CACNA1B: variants seen among roughly 807,000 people sequenced by gnomAD.
CACNA1B encodes voltage-dependent N-type calcium channel subunit alpha-1B.
In CACNA1B, 70 loss-of-function variants were observed where a neutral mutation model predicts 247.2. That is an observed-to-expected ratio of 0.28 (90% confidence interval 0.23 to 0.35). The LOEUF is 0.35. CACNA1B is among the 10% of genes least tolerant of loss of function. The pLI is 1.00. For synonymous variants in CACNA1B, 1,231 were observed against 1,294.4 expected, an observed-to-expected ratio of 0.95 and a Z score of 1.05; for missense variants, 2,367 against 3,197.4, an observed-to-expected ratio of 0.74 and a Z score of 6.26.
rs548364220 is a variant in CACNA1B, at chr9:138,029,180, C to T, written c.3286+4008C>T. On this transcript the variant is annotated intron_variant, in intron 20 of 46. Transcript: ENST00000371372. ...TTCCAGAAGCATGGGCATTATAAAA[C>T]TTGGCAGTGCTCTATTGGGAAATAC... Among the ~76,000 whole-genome samples the T allele has an allele frequency of 7.9e-5, 12 of 152,264 alleles. 1 individual carries two copies. The South Asian group carries it at 2.5e-3, about 32-fold the overall frequency.
intron 20 of CACNA1B, among the ~76,000 whole-genome samples, chr9:138,025,879 G>A (rs1159993116): frequency 6.6e-6 from 1 of 152,196 alleles, no homozygotes; most frequent in Non-Finnish European, 1.5e-5. Flanking sequence ...TCAAGGAGGA[G>A]CCCTCCTTTC....
chr9:138,034,823 A>G (rs1959024393), intron 20 of CACNA1B, among the ~76,000 whole-genome samples: 1 of 152,066 alleles, frequency 6.6e-6, no homozygotes, highest in South Asian at 2.1e-4. Flanking sequence ...TACTTTCCCC[A>G]CTTTCTGTTA....
chr9:137,916,086 G>A (rs1321337834), intron 5 of CACNA1B, among the ~76,000 whole-genome samples: 1 of 151,046 alleles, frequency 6.6e-6, no homozygotes, highest in Admixed American at 6.6e-5. Flanking sequence ...AGGCTGGGGG[G>A]CAGTGGTGCA....
rs139141052 is a variant in CACNA1B at position 137,881,531 on chromosome 9, G to T, written c.391-1213G>T. Among the ~76,000 whole-genome samples, 2 of 152,230 alleles carry T rather than the reference G, an allele frequency of 1.3e-5. No individual in the cohort carries two copies. Among genetic ancestry groups the T allele is most frequent in the East Asian group, 3.9e-4 (2 of 5,172 alleles). On this transcript the variant is annotated intron_variant, in intron 2 of 46. Coordinates refer to ENST00000371372, the MANE Select transcript of CACNA1B (RefSeq NM_000718.4). The surrounding 1 kb of genome is among the most constrained non-coding windows in gnomAD (Gnocchi z 4.3). ...TCCTGAAGACGAACCCTCAGGGGAG[G>T]CCCTTGAAGCTGGTCTCCTCTCCCC...
At chr9:138,093,366 C>T (rs139156409) in intron 36 of CACNA1B, among the ~76,000 whole-genome samples, 193 of 131,288 alleles carry the variant, frequency 1.5e-3, no homozygotes, top group Middle Eastern at 5.2e-3. Context: ...TGCAGTGAGC[C>T]GAGATCATGC....
At position 138,121,261 on chromosome 9, in the gene CACNA1B, A is replaced by G. The variant is rs978922466; in HGVS notation, c.6490-208A>G. Among the ~76,000 whole-genome samples the G allele has an allele frequency of 1.1e-4, 16 of 150,222 alleles. No individual in the cohort carries two copies. Among genetic ancestry groups the G allele is most frequent in the Non-Finnish European group, 2.1e-4 (14 of 67,560 alleles). On this transcript the variant is annotated intron_variant, in intron 46 of 46. Transcript: ENST00000371372. This position sits in a 1 kb window ranked among gnomAD's most constrained non-coding sequence, Gnocchi z 6.8. The stretch of plus-strand genomic sequence containing the variant: ...CCCTTCCCATCACCTGCTCTCCCCA[A>G]CCCCATTCCTGGGCCTGACCCTGAC...
intron 3 of CACNA1B, among the ~76,000 whole-genome samples, chr9:137,895,861 T>A (rs977856265): frequency 6.6e-6 from 1 of 152,202 alleles, no homozygotes; most frequent in Non-Finnish European, 1.5e-5. Flanking sequence ...CTTCTAGTAC[T>A]GTGTTGAAGA....
intron 20 of CACNA1B, among the ~76,000 whole-genome samples, chr9:138,027,818 C>T (rs1958939536): frequency 6.6e-6 from 1 of 151,858 alleles, no homozygotes; most frequent in Non-Finnish European, 1.5e-5. Flanking sequence ...TTGTAATATG[C>T]CATTGGATTC....
intron 3 of CACNA1B, chr9:137,892,236 C>G: frequency 2.2e-6 from 1 of 456,796 alleles, no homozygotes; most frequent in South Asian, 1.5e-5. Flanking sequence ...CAGACATTTC[C>G]TTCTCAGTCC....
Position 138,052,249 on chromosome 9 carries a change from CGTGTGTGTGTGT to C in CACNA1B, c.3807+64_3807+75del. ...GTGTGTGTGTGCGTGTGTGTGTGTG[CGTGTGTGTGTGT>C]GTATGCATGCAGTGCATGAGTGTGT... On this transcript the variant is annotated intron_variant, in intron 25 of 46. Transcript: ENST00000371372. This position sits in a 1 kb window ranked among gnomAD's most constrained non-coding sequence, Gnocchi z 5.1. The C allele has an allele frequency of 1.3e-6, 1 of 779,168 alleles. No homozygotes were observed. The highest frequency in any genetic ancestry group is 2.2e-6 in the Non-Finnish European group (1 of 464,630). 48.3% of individuals were successfully genotyped at this position (779,168 alleles called of 1,614,324 possible).
chr9:137,997,365 A>G (rs1958512866), intron 15 of CACNA1B, among the ~76,000 whole-genome samples: 2 of 152,260 alleles, frequency 1.3e-5, no homozygotes, highest in Non-Finnish European at 1.5e-5. Flanking sequence ...TTGACAAGAA[A>G]GAAAACTGTC....
chr9:138,068,220 A>G (rs1959996341), intron 31 of CACNA1B, among the ~76,000 whole-genome samples: 1 of 152,176 alleles, frequency 6.6e-6, no homozygotes. Context: ...ATGATTAACA[A>G]GAAGGGAAGG....
Position 137,965,521 on chromosome 9 carries a change from G to A in CACNA1B, c.1334-5862G>A, listed in dbSNP as rs1342619890. Among the ~76,000 whole-genome samples the A allele has an allele frequency of 5.3e-5, 8 of 152,280 alleles. No homozygotes were observed. The East Asian group carries it at 1.5e-3, about 29-fold the overall frequency. Reference sequence around the variant, plus strand: ...CATAGTGAGATCCCACCTCTACAAAGAAATTAAAAACTTAGCTGAGCATGG... The same window carrying A: ...CATAGTGAGATCCCACCTCTACAAAAAAATTAAAAACTTAGCTGAGCATGG... On this transcript the variant is annotated intron_variant, in intron 10 of 46. Transcript: ENST00000371372.
rs774321588 is a variant in CACNA1B, at chr9:138,025,032, A to G, written c.3146A>G (p.Gln1049Arg). ...PMHTLPSTCL[Q>R]KVEEQPEDAD... ...CACACACTGCCCAGCACCTGTCTCC[A>G]GAAGGTGGAGGAACAGCCAGAGGAT... The change falls in exon 20 of 47, where the codon CAG (glutamine) becomes CGG (arginine). Residue 1049 changes from glutamine (Q) to arginine (R), a missense_variant. This residue lies in a region of CACNA1B where 631 missense variants were observed against 631.1 expected (regional missense o/e 1.00). Transcript: ENST00000371372. 1 of 1,607,550 alleles carries G rather than the reference A, an allele frequency of 6.2e-7. No individual in the cohort carries two copies. The highest frequency in any genetic ancestry group is 8.5e-7 in the Non-Finnish European group (1 of 1,176,984).
chr9:137,899,779 T>A lies in CACNA1B; in HGVS notation c.531-13401T>A, dbSNP rs1957211329. ...CCATGTAGAACCAGCCTGAGAGTAGTAAGCAGTCTCCCTGGACTGGGCCTG... is the reference window on the plus strand; with the variant it reads ...CCATGTAGAACCAGCCTGAGAGTAGAAAGCAGTCTCCCTGGACTGGGCCTG... On this transcript the variant is annotated intron_variant, in intron 3 of 46. Transcript: ENST00000371372. The surrounding 1 kb of genome is among the most constrained non-coding windows in gnomAD (Gnocchi z 5.0). Among the ~76,000 whole-genome samples, 1 of 152,138 alleles carries A rather than the reference T, an allele frequency of 6.6e-6. No homozygotes were observed. The highest frequency in any genetic ancestry group is 2.4e-5 in the African/African-American group (1 of 41,420).
intron 3 of CACNA1B, among the ~76,000 whole-genome samples, chr9:137,884,153 T>TACA (rs1956968631): frequency 6.6e-6 from 1 of 152,204 alleles, no homozygotes; most frequent in Non-Finnish European, 1.5e-5. Context: ...GAGCAGCATG[T>TACA]ACAGAACTGG....
At position 138,074,152 on chromosome 9, in the gene CACNA1B, C is replaced by T. The variant is rs867140473; in HGVS notation, c.4857+86C>T. The T allele has an allele frequency of 4.5e-5, 43 of 952,186 alleles. No homozygotes were observed. The Middle Eastern group carries it at 8.3e-4, about 18-fold the overall frequency. 59.0% of individuals were successfully genotyped at this position (952,186 alleles called of 1,614,324 possible). On this transcript the variant is annotated intron_variant, in intron 34 of 46. Transcript: ENST00000371372. ...GCACTGATCATGATTGTCAAATCAT[C>T]GTCATAATCAGTTGATCCTTAGTGA...
Position 137,973,976 on chromosome 9 carries a change from T to C in CACNA1B, c.1544-1931T>C, listed in dbSNP as rs1018948722. 1.3e-5 allele frequency among the ~76,000 whole-genome samples: 2 copies of C among 152,138 alleles called. No homozygotes were observed. Among genetic ancestry groups the C allele is most frequent in the Admixed American group, 6.5e-5 (1 of 15,280 alleles). On this transcript the variant is annotated intron_variant, in intron 11 of 46. Coordinates refer to ENST00000371372, the MANE Select transcript of CACNA1B (RefSeq NM_000718.4). This position sits in a 1 kb window ranked among gnomAD's most constrained non-coding sequence, Gnocchi z 4.1. ...AGCCTCCCCTCCCAGATCTAGGGTG[T>C]GGGTGCCAGCAGTCCCATCTCTGGG...
intron 3 of CACNA1B, among the ~76,000 whole-genome samples, chr9:137,897,043 G>T (rs772632275): frequency 6.6e-6 from 1 of 152,066 alleles, no homozygotes; most frequent in Admixed American, 6.6e-5. Flanking sequence ...TTTCCGGTCA[G>T]TCTTGCTGGA....
Sources: allele counts gnomAD v4.1 joint callset (sites outside exome capture counted in the v4.1 genomes callset), GRCh38; gene constraint gnomAD v4.1.1; regional missense constraint gnomAD v4.1.1; non-coding constraint Gnocchi (gnomAD v3.1); transcripts MANE v1.5; gene names NCBI Gene and HGNC (gene_info 2026-07-23, HGNC 2026-07-21).